The following SPINT4 variants were observed in gnomAD, a reference collection of about 807,000 sequenced individuals.
The protein encoded by SPINT4 is kunitz-type protease inhibitor 4.
In SPINT4, 7 loss-of-function variants were observed where a neutral mutation model predicts 9.4. That is an observed-to-expected ratio of 0.74 (90% CI 0.42 to 1.40). The LOEUF (loss-of-function observed/expected upper bound fraction) is 1.40. Ranked by LOEUF, SPINT4 falls within the 40% of genes most tolerant of loss-of-function variation. The pLI is 0.01. For missense variants in SPINT4, 105 were observed against 114.4 expected, an observed-to-expected ratio of 0.92 and a Z score of 0.37; for synonymous variants, 36 against 39.9, an observed-to-expected ratio of 0.90 and a Z score of 0.37.
rs567297660 is a variant in SPINT4, at chr20:45,724,342, G to C, written c.293+285G>C. ...CATCTTTACTAAAAATACAAAATTA[G>C]CCAGGCATAGTGTCGCATGCCTGTA... On this transcript the variant is annotated intron_variant, in intron 2 of 2. Coordinates refer to ENST00000279058, the MANE Select transcript of SPINT4 (RefSeq NM_178455.3). 2.6e-5 allele frequency among the ~76,000 whole-genome samples: 4 copies of C among 151,794 alleles called. No homozygotes were observed. The South Asian group carries it at 8.3e-4, about 32-fold the overall frequency.
At chr20:45,723,161 T>A (rs1984841914) in intron 1 of SPINT4, among the ~76,000 whole-genome samples, 2 of 152,086 alleles carry the variant, frequency 1.3e-5, no homozygotes, top group South Asian at 4.1e-4. Context: ...TTTGTGAGTA[T>A]GAAATAAGAT....
intron 2 of SPINT4, among the ~76,000 whole-genome samples, chr20:45,725,015 T>C (rs548066623): frequency 2.6e-5 from 3 of 113,500 alleles, no homozygotes; most frequent in African/African-American, 1.1e-4. Context: ...TATATATATA[T>C]ATATATATAT....
chr20:45,723,420 A>C (rs1984848938), intron 1 of SPINT4, among the ~76,000 whole-genome samples: 1 of 151,692 alleles, frequency 6.6e-6, no homozygotes, highest in African/African-American at 2.4e-5. Flanking sequence ...AGCAGCAGCC[A>C]TGGTTACTTA....
Position 45,722,422 on chromosome 20 carries a change from A to G in SPINT4, c.55A>G (p.Asn19Asp), listed in dbSNP as rs1984819042. 1.2e-6 allele frequency: 2 copies of G among 1,613,850 alleles called. No individual in the cohort carries two copies. The highest frequency in any genetic ancestry group is 1.7e-6 in the Non-Finnish European group (2 of 1,179,712). ...LLRFFIFCSLNTLLLGGVNKI... is the reference protein window; with the variant it reads ...LLRFFIFCSLDTLLLGGVNKI... ...AAGATTCTTCATCTTCTGCTCATTG[A>G]ATACCCTGTTATTGGGTGGTGTTAA... Residue 19 changes from asparagine (N) to aspartate (D), a missense_variant, in exon 1 of 3, where the codon AAT becomes GAT. Transcript: ENST00000279058.
In SPINT4 at chr20:45,724,450, G is replaced by A. The variant is rs186655456; in HGVS notation, c.293+393G>A. The stretch of plus-strand genomic sequence containing the variant: ...GAAGTTCAGAGGGTTCAGAGGTTGC[G>A]GCGAGCCGAGATCGCGCCATCCATT... On this transcript the variant is annotated intron_variant, in intron 2 of 2. Transcript: ENST00000279058. Among the ~76,000 whole-genome samples, 230 of 149,936 alleles carry A rather than the reference G, an allele frequency of 1.5e-3. 2 individuals carry two copies. Among genetic ancestry groups the A allele is most frequent in the Non-Finnish European group, 2.8e-3 (186 of 67,278 alleles).
intron 2 of SPINT4, among the ~76,000 whole-genome samples, chr20:45,724,996 AT>A (rs201634854): frequency 0.024 from 1,261 of 52,666 alleles, 75 homozygotes; most frequent in East Asian, 0.12. Context: ...AAAAAAAAAA[AT>A]ATATATATAT....
intron 1 of SPINT4, among the ~76,000 whole-genome samples, chr20:45,723,335 G>A (rs75849984): frequency 3.2e-3 from 489 of 152,122 alleles, no homozygotes; most frequent in African/African-American, 8.2e-3. Context: ...AGAAGATGAC[G>A]GGGTATGAGG....
chr20:45,723,463 T>C (rs1484639905), intron 1 of SPINT4, among the ~76,000 whole-genome samples: 1 of 94,354 alleles, frequency 1.1e-5, no homozygotes, highest in Non-Finnish European at 1.8e-5. Flanking sequence ...AGTGAATGTA[T>C]GAAACTGGGG....
At chr20:45,723,534 G>C (rs917167235) in intron 1 of SPINT4, among the ~76,000 whole-genome samples, 1 of 152,082 alleles carries the variant, frequency 6.6e-6, no homozygotes, top group Non-Finnish European at 1.5e-5. Flanking sequence ...AGATGATGTG[G>C]GGAAGCAGGA....
Position 45,724,054 on chromosome 20 carries a change from C to T in SPINT4, c.290C>T (p.Pro97Leu), listed in dbSNP as rs761064193. Reference protein sequence around the residue: ...REVACVAKYKPPR With the variant: ...REVACVAKYKLPR ...GTAGCCTGTGTTGCAAAATACAAAC[C>T]ACCGTAAGGAATCTAATCCTGTCCT... Residue 97 changes from proline (P) to leucine (L), a missense_variant, in exon 2 of 3, where the codon CCA becomes CTA. By Grantham distance (98) the Pro-to-Leu change is moderately conservative. Transcript: ENST00000279058. 8 of 1,604,724 alleles carry T rather than the reference C, an allele frequency of 5.0e-6. No homozygotes were observed. The East Asian group carries it at 1.8e-4, about 36-fold the overall frequency.
intron 1 of SPINT4, 132 bp downstream of exon 1, chr20:45,722,614 C>T: frequency 3.0e-6 from 2 of 677,374 alleles, no homozygotes; most frequent in Non-Finnish European, 2.6e-6. Flanking sequence ...GACACTTAGT[C>T]CCTTGACTCA....
intron 2 of SPINT4, among the ~76,000 whole-genome samples, chr20:45,724,707 G>A (rs1411142011): frequency 2.6e-5 from 4 of 150,972 alleles, no homozygotes; most frequent in East Asian, 2.0e-4. Flanking sequence ...AGGGCCAGGC[G>A]TGGTGGCTCA....
chr20:45,724,100 A>G, intron 2 of SPINT4, 43 bp downstream of exon 2: 1 of 1,563,928 alleles, frequency 6.4e-7, no homozygotes, highest in Non-Finnish European at 8.6e-7. Context: ...GGGTAGTAAA[A>G]GAAGAGGTTT....
chr20:45,724,512 TAAAAAAAA>T (rs58689567), intron 2 of SPINT4, among the ~76,000 whole-genome samples: 4 of 114,522 alleles, frequency 3.5e-5, no homozygotes, highest in African/African-American at 8.7e-5. Context: ...AAACTCCATC[TAAAAAAAA>T]AAAAAAAAAA....
At chr20:45,723,157 A>G (rs770019897) in intron 1 of SPINT4, among the ~76,000 whole-genome samples, 3 of 152,122 alleles carry the variant, frequency 2.0e-5, no homozygotes, top group Non-Finnish European at 4.4e-5. Flanking sequence ...GGTGTTTGTG[A>G]GTATGAAATA....
rs1168670011 is a variant in SPINT4, at chr20:45,724,979, C to CAAAAAA, written c.294-638_294-633dup. Among the ~76,000 whole-genome samples the CAAAAAA allele has an allele frequency of 2.8e-3, 76 of 27,178 alleles. 23 individuals are homozygous for CAAAAAA. The highest frequency in any genetic ancestry group is 0.018 in the African/African-American group (63 of 3,472). 17.8% of individuals were successfully genotyped at this position (27,178 alleles called of 152,430 possible). A position where few individuals can be genotyped will look rare whatever the true frequency, so the allele number is the denominator to read the frequency against. ...TGGGAGACAAAGTGAGACTCCATCT[C>CAAAAAA]AAAAAAAAAAAAAAAAATATATATA... On this transcript the variant is annotated intron_variant, in intron 2 of 2. Transcript: ENST00000279058.
In SPINT4 at chr20:45,725,499, T is replaced by C. The variant is rs116452929; in HGVS notation, c.294-130T>C. On this transcript the variant is annotated intron_variant, in intron 2 of 2. Transcript: ENST00000279058. ...AAAAGTGAAAGATTAATCAATAAAA[T>C]AAGGGAAACATTGAGATAGAAGGCA... is the stretch of plus-strand genomic sequence containing the variant. The C allele has an allele frequency of 5.5e-4, 507 of 914,464 alleles. 2 individuals are homozygous for C. In the African/African-American group the frequency reaches 7.8e-3, roughly 14 times the overall value. 56.6% of individuals were successfully genotyped at this position (914,464 alleles called of 1,614,324 possible).
chr20:45,723,196 T>A (rs1984842194), intron 1 of SPINT4, among the ~76,000 whole-genome samples: 1 of 151,918 alleles, frequency 6.6e-6, no homozygotes, highest in African/African-American at 2.4e-5. Context: ...TACCAGAGAG[T>A]AAATTCCAGG....
At chr20:45,722,928 G>C (rs1984835189) in intron 1 of SPINT4, among the ~76,000 whole-genome samples, 1 of 152,062 alleles carries the variant, frequency 6.6e-6, no homozygotes, top group Non-Finnish European at 1.5e-5. Flanking sequence ...AAATGTGAGA[G>C]GCAATGAGAC....
Sources: allele counts gnomAD v4.1 joint callset (sites outside exome capture counted in the v4.1 genomes callset), GRCh38; gene constraint gnomAD v4.1.1; transcripts MANE v1.5; gene names NCBI Gene and HGNC (gene_info 2026-07-23, HGNC 2026-07-21).